The following LYPLAL1 variants were observed in gnomAD, a reference collection of about 807,000 sequenced individuals.
The protein encoded by LYPLAL1 is lysophospholipase like 1.
LYPLAL1 carries 23 observed loss-of-function variants against 19.7 expected under a neutral mutation model. That is an observed-to-expected ratio of 1.17 (90% CI 0.84 to 1.65). The LOEUF (loss-of-function observed/expected upper bound fraction) is 1.65, where lower values mean the gene tolerates loss of function less well. Among genes scored for constraint, LYPLAL1 ranks in the 40% most tolerant of loss-of-function variants. LYPLAL1 has a pLI of 0.00. For synonymous variants in LYPLAL1, 119 were observed against 96.3 expected (o/e 1.24, Z -1.38); for missense variants, 355 against 279.4 (o/e 1.27, Z -1.93).
At chr1:219,231,774 C>T in the LYPLAL1 span, among the ~76,000 whole-genome samples, 5 of 152,274 alleles carry the variant, frequency 3.3e-5, no homozygotes, top group South Asian at 2.1e-4. Flanking sequence ...TTGACAAGCT[C>T]GGCATGCCTC....
At chr1:219,424,471 C>A in the LYPLAL1 span, among the ~76,000 whole-genome samples, 2 of 152,228 alleles carry the variant, frequency 1.3e-5, no homozygotes, top group Non-Finnish European at 2.9e-5. Context: ...TGTTCACAAT[C>A]ATAACTGGGT....
chr1:219,419,940 A>T, the LYPLAL1 span, among the ~76,000 whole-genome samples: 1 of 152,354 alleles, frequency 6.6e-6, no homozygotes, highest in African/African-American at 2.4e-5. Flanking sequence ...CCTCATGAGC[A>T]CTACCTGGTA....
chr1:219,404,434 A>G, the LYPLAL1 span, among the ~76,000 whole-genome samples: 1 of 152,172 alleles, frequency 6.6e-6, no homozygotes, highest in African/African-American at 2.4e-5. Flanking sequence ...CTTATTCTTA[A>G]TCATCTTTAA....
the LYPLAL1 span, among the ~76,000 whole-genome samples, chr1:219,304,738 C>T: frequency 6.6e-6 from 1 of 152,128 alleles, no homozygotes; most frequent in Non-Finnish European, 1.5e-5. Context: ...GTAGGAAAGG[C>T]ACCAGACCCT....
At chr1:219,239,075 C>G in the LYPLAL1 span, among the ~76,000 whole-genome samples, 3 of 152,168 alleles carry the variant, frequency 2.0e-5, no homozygotes, top group African/African-American at 7.2e-5. Context: ...ATTTCTCTGT[C>G]ATAACCCCCC....
chr1:219,411,039 G>T, the LYPLAL1 span, among the ~76,000 whole-genome samples: 2 of 152,350 alleles, frequency 1.3e-5, no homozygotes, highest in East Asian at 1.9e-4. Context: ...GAATGCGAGC[G>T]CACGGCACAG....
the LYPLAL1 span, chr1:219,272,248 A>T: frequency 2.0e-5 from 3 of 152,052 alleles, no homozygotes; most frequent in Non-Finnish European, 2.9e-5. Flanking sequence ...TAAACCAAAC[A>T]CAGATCCACA....
At chr1:219,306,764 A>AGATAGATAGATT in the LYPLAL1 span, among the ~76,000 whole-genome samples, 1 of 150,666 alleles carries the variant, frequency 6.6e-6, no homozygotes, top group African/African-American at 2.4e-5. Flanking sequence ...ATAGATAGAT[A>AGATAGATAGATT]GATAGATAGA....
chr1:219,207,303 C>T lies in LYPLAL1; in HGVS notation c.362-3229C>T, dbSNP rs535679507. Among the ~76,000 whole-genome samples, 8 of 152,122 alleles carry T rather than the reference C, an allele frequency of 5.3e-5. No individual in the cohort carries two copies. The East Asian group carries it at 1.4e-3, about 26-fold the overall frequency. ...CCACACAGCTGTGATTCTCAGACAT[C>T]TGATTTATGGCATAAGAGCTTTTAA... On this transcript the variant is annotated intron_variant, in intron 3 of 4. Transcript: ENST00000366928.
At chr1:219,267,381 G>C in the LYPLAL1 span, among the ~76,000 whole-genome samples, 1 of 152,256 alleles carries the variant, frequency 6.6e-6, no homozygotes, top group East Asian at 1.9e-4. Context: ...TATTCTGCTA[G>C]CTTTAGCCAA....
the LYPLAL1 span, among the ~76,000 whole-genome samples, chr1:219,311,799 G>A: frequency 1.5e-4 from 23 of 152,108 alleles, no homozygotes; most frequent in African/African-American, 5.3e-4. Flanking sequence ...ACCTGGTGCT[G>A]TGCATTTTTT....
chr1:219,345,674 T>C, the LYPLAL1 span, among the ~76,000 whole-genome samples: 1 of 152,052 alleles, frequency 6.6e-6, no homozygotes, highest in Non-Finnish European at 1.5e-5. Flanking sequence ...TGGAGAGCAA[T>C]CCCATCCATT....
chr1:219,273,787 G>A, the LYPLAL1 span, among the ~76,000 whole-genome samples: 5 of 152,132 alleles, frequency 3.3e-5, no homozygotes, highest in African/African-American at 9.7e-5. Flanking sequence ...TGGAGATGGA[G>A]TTTCGCTCTT....
the LYPLAL1 span, among the ~76,000 whole-genome samples, chr1:219,370,253 T>G: frequency 6.6e-6 from 1 of 152,176 alleles, no homozygotes; most frequent in Non-Finnish European, 1.5e-5. Context: ...CTCCATTTAT[T>G]TCACCCTGCT....
the LYPLAL1 span, among the ~76,000 whole-genome samples, chr1:219,355,398 G>A: frequency 5.9e-5 from 9 of 151,724 alleles, no homozygotes; most frequent in African/African-American, 1.9e-4. Flanking sequence ...AAATAAAAAG[G>A]GAACACTGAA....
chr1:219,179,276 A>G (rs774437059), intron 2 of LYPLAL1, 30 bp downstream of exon 2: 9 of 1,477,250 alleles, frequency 6.1e-6, no homozygotes, highest in Non-Finnish European at 8.5e-6. Context: ...ACTTGTCAAT[A>G]TAACTCTGTG....
the LYPLAL1 span, among the ~76,000 whole-genome samples, chr1:219,422,537 A>G: frequency 2.6e-5 from 4 of 152,182 alleles, no homozygotes; most frequent in African/African-American, 9.7e-5. Context: ...CCAGAAGAAA[A>G]TACCCTGATG....
chr1:219,432,251 C>A, the LYPLAL1 span, among the ~76,000 whole-genome samples: 12 of 152,176 alleles, frequency 7.9e-5, no homozygotes, highest in African/African-American at 2.9e-4. Flanking sequence ...TCATCAATTT[C>A]TTTGATGTCC....
At chr1:219,331,194 C>G in the LYPLAL1 span, among the ~76,000 whole-genome samples, 165 of 152,248 alleles carry the variant, frequency 1.1e-3, 1 homozygote, top group African/African-American at 3.7e-3. Context: ...GGTTAGATCT[C>G]TTTGATTTTA....
Sources: gnomAD v4.1 joint callset for allele counts (sites outside exome capture counted in the v4.1 genomes callset) on GRCh38, gnomAD v4.1.1 for gene constraint, MANE v1.5 for transcripts, NCBI Gene and HGNC (gene_info 2026-07-23, HGNC 2026-07-21) for gene names.